The following PHF20 variants were observed in gnomAD, a reference collection of about 807,000 sequenced individuals.
PHF20 encodes the protein PHD finger protein 20.
A neutral mutation model predicts 113.5 loss-of-function variants in PHF20; 23 were observed. That is an observed-to-expected ratio of 0.20 (90% CI 0.15 to 0.29). The LOEUF (loss-of-function observed/expected upper bound fraction) is 0.29. Ranked by LOEUF, PHF20 falls within the 10% of genes least tolerant of loss-of-function variation. The probability of loss-of-function intolerance (pLI) is 1.00; values close to 1 mark genes in which losing one functional copy is unlikely to be tolerated. For missense variants in PHF20, 943 were observed against 1,219.6 expected (o/e 0.77, Z 3.38); for synonymous variants, 434 against 457.3 (o/e 0.95, Z 0.65).
At chr20:35,896,546 C>T (rs1324238724) in intron 9 of PHF20, among the ~76,000 whole-genome samples, 1 of 151,674 alleles carries the variant, frequency 6.6e-6, no homozygotes, top group Non-Finnish European at 1.5e-5. Context: ...GGCGGTGGCT[C>T]ACACCTGTAA....
intron 2 of PHF20, among the ~76,000 whole-genome samples, chr20:35,810,860 GT>G (rs2041964426): frequency 6.6e-6 from 1 of 152,086 alleles, no homozygotes; most frequent in South Asian, 2.1e-4. Flanking sequence ...TGGAGCGTTT[GT>G]TTTATTATCT....
chr20:35,944,840 T>G (rs1338051829), intron 17 of PHF20, among the ~76,000 whole-genome samples: 1 of 152,204 alleles, frequency 6.6e-6, no homozygotes, highest in Non-Finnish European at 1.5e-5. Context: ...GTGTTGGGAT[T>G]ACAGGCGTGC....
chr20:35,848,031 C>T (rs1397774510), intron 4 of PHF20, among the ~76,000 whole-genome samples: 1 of 152,044 alleles, frequency 6.6e-6, no homozygotes, highest in Non-Finnish European at 1.5e-5. Context: ...ATCCTGGCAC[C>T]TGGAGAATAG....
At chr20:35,814,362 C>T (rs1490902906) in intron 2 of PHF20, among the ~76,000 whole-genome samples, 1 of 151,634 alleles carries the variant, frequency 6.6e-6, no homozygotes, top group Non-Finnish European at 1.5e-5. Context: ...GGACTACAGG[C>T]GCATGCCACC....
chr20:35,930,328 G>A lies in PHF20; in HGVS notation c.2105-921G>A, dbSNP rs187115358. On this transcript the variant is annotated intron_variant, in intron 14 of 17. Transcript: ENST00000374012. ...TACTCTTTCGGCTCTTAATTGGGTTGGGAGCCAGAAACAGAAGTTAAAACA... is the reference window on the plus strand; with the variant it reads ...TACTCTTTCGGCTCTTAATTGGGTTAGGAGCCAGAAACAGAAGTTAAAACA... Among the ~76,000 whole-genome samples, 525 of 152,260 alleles carry A rather than the reference G, an allele frequency of 3.4e-3. 4 individuals carry two copies. Among genetic ancestry groups the A allele is most frequent in the Middle Eastern group, 0.024 (7 of 294 alleles).
intron 1 of PHF20, among the ~76,000 whole-genome samples, chr20:35,794,616 T>C (rs762288115): frequency 1.3e-5 from 2 of 152,208 alleles, no homozygotes; most frequent in Non-Finnish European, 2.9e-5. Context: ...GCCTGTTCTG[T>C]AGTTTCTGGT....
At position 35,874,222 on chromosome 20, in the gene PHF20, C is replaced by T. The variant is rs572884382; in HGVS notation, c.1282+2393C>T. On this transcript the variant is annotated intron_variant, in intron 9 of 17. Transcript: ENST00000374012. ...AACTCCTGACGTCAAGTGATCTACC[C>T]GCCTTGACTTCCCAAAGTACTGTGA... Among the ~76,000 whole-genome samples, 28 of 152,282 alleles carry T rather than the reference C, an allele frequency of 1.8e-4. 1 individual carries two copies. Among genetic ancestry groups the T allele is most frequent in the Middle Eastern group, 3.4e-3 (1 of 294 alleles).
chr20:35,905,978 C>A, intron 10 of PHF20, among the ~76,000 whole-genome samples: 1 of 152,246 alleles, frequency 6.6e-6, no homozygotes, highest in East Asian at 1.9e-4. Context: ...TTAATAAATT[C>A]TCTTCCAGTA....
chr20:35,937,285 A>G (rs2055882819), intron 15 of PHF20, among the ~76,000 whole-genome samples: 1 of 152,100 alleles, frequency 6.6e-6, no homozygotes. Context: ...CCTGACCAAC[A>G]TGTAGAAACT....
intron 6 of PHF20, among the ~76,000 whole-genome samples, chr20:35,865,906 T>C (rs1267484730): frequency 6.6e-6 from 1 of 151,836 alleles, no homozygotes; most frequent in African/African-American, 2.4e-5. Flanking sequence ...AAATCCCGTC[T>C]CCACTAAAAA....
At chr20:35,858,872 C>T (rs549380283) in intron 5 of PHF20, among the ~76,000 whole-genome samples, 1 of 152,310 alleles carries the variant, frequency 6.6e-6, no homozygotes, top group South Asian at 2.1e-4. Context: ...TGTGTCTGGC[C>T]ACTGTTTCCT....
chr20:35,881,048 CTTTTTTTTT>C (rs773060725), intron 9 of PHF20, among the ~76,000 whole-genome samples: 2 of 109,756 alleles, frequency 1.8e-5, no homozygotes, highest in Non-Finnish European at 1.8e-5. Context: ...CTCTAAATAC[CTTTTTTTTT>C]TTTTTTTTTT....
chr20:35,934,410 G>A, intron 15 of PHF20, among the ~76,000 whole-genome samples: 1 of 152,238 alleles, frequency 6.6e-6, no homozygotes, highest in East Asian at 1.9e-4. Flanking sequence ...AGGGATCTAG[G>A]CTAGGTAGGA....
intron 1 of PHF20, among the ~76,000 whole-genome samples, chr20:35,797,199 G>T (rs1017265188): frequency 1.3e-5 from 2 of 150,398 alleles, no homozygotes; most frequent in East Asian, 4.1e-4. Flanking sequence ...CCAAAAATTT[G>T]CATATTTAAA....
intron 2 of PHF20, among the ~76,000 whole-genome samples, chr20:35,831,952 G>A (rs1444952660): frequency 4.6e-5 from 7 of 152,128 alleles, no homozygotes; most frequent in African/African-American, 1.2e-4. Context: ...TCACCAACAC[G>A]CAGTGGTCCG....
chr20:35,864,173 C>T (rs6121071), intron 6 of PHF20, among the ~76,000 whole-genome samples: 1,709 of 152,150 alleles, frequency 0.011, 23 homozygotes, highest in African/African-American at 0.038. Context: ...ATTGTGCATT[C>T]TTTATGTGTT....
At chr20:35,880,354 C>T (rs2054606020) in intron 9 of PHF20, among the ~76,000 whole-genome samples, 1 of 152,036 alleles carries the variant, frequency 6.6e-6, no homozygotes, top group Non-Finnish European at 1.5e-5. Context: ...TTGCAGACTT[C>T]CTGAAGTGGG....
intron 15 of PHF20, among the ~76,000 whole-genome samples, chr20:35,933,123 A>G (rs978061172): frequency 5.9e-5 from 9 of 151,324 alleles, no homozygotes; most frequent in African/African-American, 2.2e-4. Flanking sequence ...TTTTTTTAAC[A>G]AGAGATGGAG....
In PHF20 at chr20:35,931,337, C is replaced by T. The variant is rs2055749018; in HGVS notation, c.2193C>T (p.Tyr731=). The T allele has an allele frequency of 1.2e-6, 2 of 1,614,066 alleles. No individual in the cohort carries two copies. The highest frequency in any genetic ancestry group is 4.5e-5 in the East Asian group (2 of 44,882). Residue 731 remains tyrosine, a synonymous_variant, in exon 15 of 18, where the codon TAC becomes TAT. Coordinates refer to ENST00000374012, the MANE Select transcript of PHF20 (RefSeq NM_016436.5). The part of the protein sequence containing the change: ...MHGLAFLEEN[Y]SHQNAKKIVA... Reference sequence around the variant, plus strand: ...GCCTGGCATTTCTAGAAGAGAACTACTCCCATCAGAATGCCAAGAAGATCG... The same window carrying T: ...GCCTGGCATTTCTAGAAGAGAACTATTCCCATCAGAATGCCAAGAAGATCG...
Sources: allele counts gnomAD v4.1 joint callset (sites outside exome capture counted in the v4.1 genomes callset), GRCh38; gene constraint gnomAD v4.1.1; transcripts MANE v1.5; gene names NCBI Gene and HGNC (gene_info 2026-07-23, HGNC 2026-07-21).